The following ASB15 variants were observed in gnomAD, a reference collection of about 807,000 sequenced individuals.
The protein encoded by ASB15 is ankyrin repeat and SOCS box protein 15.
In ASB15, 54 loss-of-function variants were observed where a neutral mutation model predicts 58.0. That is an observed-to-expected ratio of 0.93 (90% CI 0.75 to 1.17). The LOEUF (loss-of-function observed/expected upper bound fraction) is 1.17. Ranked by LOEUF, ASB15 falls within the 50% of genes most tolerant of loss-of-function variation. The pLI is 0.00. For synonymous variants in ASB15, 249 were observed against 262.4 expected, an observed-to-expected ratio of 0.95 and a Z score of 0.50; for missense variants, 680 against 707.4, an observed-to-expected ratio of 0.96 and a Z score of 0.44.
At chr7:123,620,889 A>G (rs566391349) in intron 7 of ASB15, among the ~76,000 whole-genome samples, 1 of 151,956 alleles carries the variant, frequency 6.6e-6, no homozygotes, top group East Asian at 2.0e-4. Context: ...TTTAAAGGCC[A>G]GAATATGCCA....
At chr7:123,609,507 C>A (rs537448529) in intron 3 of ASB15, among the ~76,000 whole-genome samples, 9 of 152,304 alleles carry the variant, frequency 5.9e-5, no homozygotes, top group Non-Finnish European at 5.9e-5. Context: ...CCCTTCCTTG[C>A]ACCATGGAAG....
chr7:123,620,191 T>C (rs1289871864), intron 7 of ASB15: 2 of 151,972 alleles, frequency 1.3e-5, no homozygotes, highest in Admixed American at 1.3e-4. Context: ...TCCACTCATG[T>C]CCCATTAGTT....
intron 11 of ASB15, among the ~76,000 whole-genome samples, chr7:123,631,828 C>T (rs1802132190): frequency 6.6e-6 from 1 of 152,158 alleles, no homozygotes; most frequent in Admixed American, 6.5e-5. Context: ...CCTGTAATCT[C>T]AGCACTTTGG....
intron 4 of ASB15, chr7:123,615,264 T>TTA: frequency 6.6e-6 from 1 of 152,262 alleles, no homozygotes; most frequent in Admixed American, 6.5e-5. Flanking sequence ...TAAATTTCTT[T>TTA]CTTAAAAAAA....
At chr7:123,620,048 T>C (rs1035194220) in intron 7 of ASB15, 4 of 152,222 alleles carry the variant, frequency 2.6e-5, no homozygotes, top group African/African-American at 9.7e-5. Flanking sequence ...AGGGTGGCTG[T>C]ATCAACATTA....
rs184810488 is a variant in ASB15, at chr7:123,639,337, C to A, written c.*2356C>A. 1.5e-4 allele frequency: 23 copies of A among 152,142 alleles called. No homozygotes were observed. The highest frequency in any genetic ancestry group is 9.2e-4 in the Admixed American group (14 of 15,288). The allele number at this position is 152,142 out of a possible 1,614,324, so 9.4% of individuals were successfully genotyped here. A position where few individuals can be genotyped will look rare whatever the true frequency, so the allele number is the denominator to read the frequency against. ...ATATTTAATTGCAACATCTTGTATA[C>A]AAGATTTTATTATTCTTGTGTTGCA... On this transcript the variant is annotated 3_prime_UTR_variant, in exon 12 of 12. Coordinates refer to ENST00000451215, the MANE Select transcript of ASB15 (RefSeq NM_001290258.2).
intron 1 of ASB15, among the ~76,000 whole-genome samples, chr7:123,568,703 G>A (rs1733432815): frequency 1.3e-5 from 2 of 151,938 alleles, no homozygotes; most frequent in South Asian, 4.2e-4. Context: ...TGTCTAAGGA[G>A]ATAAAAACTA....
At chr7:123,613,686 A>C (rs77936297) in intron 3 of ASB15, among the ~76,000 whole-genome samples, 2,572 of 152,218 alleles carry the variant, frequency 0.017, 75 homozygotes, top group African/African-American at 0.059. Flanking sequence ...TGGTCCTTAT[A>C]ACAATGTTCA....
chr7:123,618,754 A>AT (rs983247692), intron 7 of ASB15, among the ~76,000 whole-genome samples: 1 of 152,188 alleles, frequency 6.6e-6, no homozygotes, highest in Non-Finnish European at 1.5e-5. Flanking sequence ...TTAAAAAAAA[A>AT]TTTTAAACAA....
chr7:123,568,407 C>T (rs1798817116), intron 1 of ASB15, among the ~76,000 whole-genome samples: 1 of 151,686 alleles, frequency 6.6e-6, no homozygotes, highest in African/African-American at 2.4e-5. Flanking sequence ...GTAATCCCAC[C>T]TACTTGGGAG....
At chr7:123,635,583 CTTTTTTTTTTTTT>C (rs5887149) in intron 11 of ASB15, among the ~76,000 whole-genome samples, 1 of 81,696 alleles carries the variant, frequency 1.2e-5, no homozygotes, top group Non-Finnish European at 2.1e-5. Context: ...AAATTAATTG[CTTTTTTTTTTTTT>C]TTTTTTTTTT....
At chr7:123,577,343 T>C (rs999124907) in intron 1 of ASB15, among the ~76,000 whole-genome samples, 15 of 152,178 alleles carry the variant, frequency 9.9e-5, no homozygotes, top group Non-Finnish European at 2.9e-5. Context: ...GTCACTTGTC[T>C]TGAACAAGCA....
At chr7:123,591,033 T>A (rs995925770) in intron 1 of ASB15, among the ~76,000 whole-genome samples, 4 of 152,176 alleles carry the variant, frequency 2.6e-5, no homozygotes, top group Non-Finnish European at 4.4e-5. Context: ...TAAGGTGGAT[T>A]CCTAGGTATT....
intron 7 of ASB15, among the ~76,000 whole-genome samples, chr7:123,624,040 A>G (rs560341310): frequency 1.3e-5 from 2 of 152,270 alleles, no homozygotes; most frequent in South Asian, 2.1e-4. Flanking sequence ...AGTTCATTCA[A>G]TACTTGCTGC....
chr7:123,594,835 G>A (rs55782012), intron 1 of ASB15, among the ~76,000 whole-genome samples: 2 of 152,048 alleles, frequency 1.3e-5, no homozygotes, highest in Admixed American at 6.6e-5. Context: ...AGGCAGGGAC[G>A]TTTAAGCCTG....
chr7:123,618,525 A>G (rs1327977641), intron 7 of ASB15, among the ~76,000 whole-genome samples: 2 of 152,214 alleles, frequency 1.3e-5, no homozygotes, highest in Non-Finnish European at 2.9e-5. Flanking sequence ...GAGGAAAATT[A>G]GAGAAAAAAT....
intron 1 of ASB15, among the ~76,000 whole-genome samples, chr7:123,575,352 T>C (rs1212415194): frequency 6.6e-6 from 1 of 152,084 alleles, no homozygotes; most frequent in African/African-American, 2.4e-5. Flanking sequence ...TGCTTTCATA[T>C]GTTAAATATG....
chr7:123,600,125 G>T (rs1482255342), upstream of ASB15, among the ~76,000 whole-genome samples: 1 of 152,108 alleles, frequency 6.6e-6, no homozygotes, highest in East Asian at 1.9e-4. Context: ...CATGGTCATT[G>T]TATCATCATC....
intron 1 of ASB15, among the ~76,000 whole-genome samples, chr7:123,581,823 A>G (rs1261965673): frequency 6.6e-6 from 1 of 151,946 alleles, no homozygotes; most frequent in Non-Finnish European, 1.5e-5. Context: ...CACTCCCAAG[A>G]CTGTCAAGTT....
Sources: allele counts gnomAD v4.1 joint callset (sites outside exome capture counted in the v4.1 genomes callset), GRCh38; gene constraint gnomAD v4.1.1; transcripts MANE v1.5; gene names NCBI Gene and HGNC (gene_info 2026-07-23, HGNC 2026-07-21).